The following SPHKAP variants were observed in gnomAD, a reference collection of about 807,000 sequenced individuals.
The protein encoded by SPHKAP is SPHK1 interactor, AKAP domain containing.
SPHKAP carries 67 observed loss-of-function variants against 137.5 expected under a neutral mutation model. The ratio of observed to expected loss-of-function variants is 0.49; its 90% confidence interval spans 0.40 to 0.60. SPHKAP has a LOEUF of 0.60. SPHKAP is among the 20% of genes least tolerant of loss of function. SPHKAP has a pLI of 0.00. For synonymous variants in SPHKAP, 813 were observed against 785.3 expected (o/e 1.04, Z -0.59); for missense variants, 2,097 against 2,069.3 (o/e 1.01, Z -0.26).
At chr2:228,130,641 TG>T (rs1408671020) in intron 2 of SPHKAP, among the ~76,000 whole-genome samples, 8 of 152,160 alleles carry the variant, frequency 5.3e-5, no homozygotes, top group Admixed American at 2.6e-4. Context: ...TATTTAGCCC[TG>T]TAAAATGTAC....
At chr2:228,130,295 A>G (rs536001228) in intron 2 of SPHKAP, among the ~76,000 whole-genome samples, 6 of 152,316 alleles carry the variant, frequency 3.9e-5, no homozygotes, top group African/African-American at 1.4e-4. Context: ...CTCTGACTGT[A>G]TGCTTGCTGA....
At chr2:228,177,862 G>T (rs746870490) in intron 1 of SPHKAP, among the ~76,000 whole-genome samples, 8 of 151,980 alleles carry the variant, frequency 5.3e-5, no homozygotes, top group Non-Finnish European at 5.9e-5. Flanking sequence ...GATGAGTTTT[G>T]ATCTTATCAT....
chr2:228,048,920 A>T (rs1696159732), intron 3 of SPHKAP, among the ~76,000 whole-genome samples: 1 of 152,132 alleles, frequency 6.6e-6, no homozygotes, highest in South Asian at 2.1e-4. Flanking sequence ...GAATGACAAA[A>T]TCACCTAATG....
intron 1 of SPHKAP, among the ~76,000 whole-genome samples, chr2:228,178,934 T>C (rs916931720): frequency 6.6e-6 from 1 of 150,836 alleles, no homozygotes; most frequent in African/African-American, 2.4e-5. Context: ...AAACATTTCC[T>C]TAAAAAAAAA....
intron 1 of SPHKAP, among the ~76,000 whole-genome samples, chr2:228,165,705 C>T (rs1559210525): frequency 6.6e-6 from 1 of 152,156 alleles, no homozygotes; most frequent in Non-Finnish European, 1.5e-5. Flanking sequence ...CCCAAAAGAT[C>T]AAGTGTCCTT....
At chr2:228,049,728 T>A (rs1456184860) in intron 3 of SPHKAP, among the ~76,000 whole-genome samples, 2 of 152,202 alleles carry the variant, frequency 1.3e-5, no homozygotes, top group Non-Finnish European at 2.9e-5. Context: ...AGCTCTTACT[T>A]GTAAGTGAGA....
chr2:228,084,389 A>G (rs946793577), intron 3 of SPHKAP, among the ~76,000 whole-genome samples: 3 of 152,236 alleles, frequency 2.0e-5, no homozygotes, highest in African/African-American at 7.2e-5. Flanking sequence ...CGCTAAGTCT[A>G]AAGGCTGCAT....
At position 228,181,085 on chromosome 2, in the gene SPHKAP, G is replaced by A. The variant is rs540294257; in HGVS notation, c.32+482C>T. On this transcript the variant is annotated intron_variant, in intron 1 of 11. Coordinates refer to ENST00000392056, the MANE Select transcript of SPHKAP (RefSeq NM_001142644.2). This position sits in a 1 kb window ranked among gnomAD's most constrained non-coding sequence, Gnocchi z 4.3. Reference sequence around the variant, plus strand: ...TGGGGGCAGTCTAGGTGTCGGTCGGGGGTGAGGGACAATCTTCCCCACCCC... The same window carrying A: ...TGGGGGCAGTCTAGGTGTCGGTCGGAGGTGAGGGACAATCTTCCCCACCCC... Among the ~76,000 whole-genome samples, 91 of 152,180 alleles carry A rather than the reference G, an allele frequency of 6.0e-4. No homozygotes were observed. Among genetic ancestry groups the A allele is most frequent in the Non-Finnish European group, 1.1e-3 (76 of 67,988 alleles).
chr2:228,001,729 C>A (rs962531829), intron 7 of SPHKAP, among the ~76,000 whole-genome samples: 1 of 151,902 alleles, frequency 6.6e-6, no homozygotes, highest in Non-Finnish European at 1.5e-5. Context: ...CTCCCCGCAG[C>A]CCACAACAGG....
intron 7 of SPHKAP, among the ~76,000 whole-genome samples, chr2:228,009,110 C>T (rs1007438696): frequency 3.3e-5 from 5 of 152,114 alleles, no homozygotes; most frequent in African/African-American, 1.2e-4. Flanking sequence ...AACGAATAGC[C>T]TTTATTTTTG....
intron 3 of SPHKAP, among the ~76,000 whole-genome samples, chr2:228,089,226 A>G (rs535974165): frequency 2.0e-4 from 30 of 152,214 alleles, no homozygotes; most frequent in Non-Finnish European, 4.0e-4. Flanking sequence ...CAAAGGTCAC[A>G]CTTGTTATGC....
chr2:228,019,432 T>G lies in SPHKAP; in HGVS notation c.1422A>C (p.Glu474Asp), dbSNP rs767564493. The stretch of plus-strand genomic sequence containing the variant: ...GGATGCTTGAGGTTTCAACAGAGAC[T>G]TCCATCTCAGGCCAGGAGGAGATGC... ...QPGISSWPEMEVSVETSSILS... is the reference protein window; with the variant it reads ...QPGISSWPEMDVSVETSSILS... The change falls in exon 7 of 12, where the codon GAA becomes GAC. Residue 474 changes from glutamate (E) to aspartate (D), a missense_variant. Transcript: ENST00000392056. 3.7e-6 allele frequency: 6 copies of G among 1,614,040 alleles called. No homozygotes were observed. The highest frequency in any genetic ancestry group is 5.1e-6 in the Non-Finnish European group (6 of 1,180,018).
intron 1 of SPHKAP, among the ~76,000 whole-genome samples, chr2:228,146,541 T>C (rs1256986952): frequency 6.6e-6 from 1 of 152,164 alleles, no homozygotes; most frequent in Non-Finnish European, 1.5e-5. Flanking sequence ...CAGCACCCAA[T>C]AGTTATTTTT....
intron 3 of SPHKAP, among the ~76,000 whole-genome samples, chr2:228,069,601 GT>G (rs915614298): frequency 6.0e-4 from 88 of 146,688 alleles, no homozygotes; most frequent in Middle Eastern, 3.5e-3. Context: ...TTTAAAAGAA[GT>G]TTTTTTTTTT....
At chr2:228,078,013 G>T (rs1305168001) in intron 3 of SPHKAP, among the ~76,000 whole-genome samples, 1 of 152,114 alleles carries the variant, frequency 6.6e-6, no homozygotes, top group Non-Finnish European at 1.5e-5. Flanking sequence ...CCCTGCACAA[G>T]CCCCCTTTGC....
At chr2:228,067,438 T>C (rs1038767997) in intron 3 of SPHKAP, among the ~76,000 whole-genome samples, 3 of 152,240 alleles carry the variant, frequency 2.0e-5, no homozygotes, top group Non-Finnish European at 4.4e-5. Context: ...AGGTGGGTAC[T>C]TCATTTCATA....
chr2:228,132,148 T>C (rs1699273985), intron 1 of SPHKAP, 63 bp from the exon 2 acceptor site: 1 of 1,348,170 alleles, frequency 7.4e-7, no homozygotes, highest in Non-Finnish European at 1.1e-6. Flanking sequence ...TGGAAATAAA[T>C]AATAAGTAAA....
chr2:228,022,032 T>C (rs776173952), intron 5 of SPHKAP, 66 bp from the exon 6 acceptor site: 3 of 1,481,542 alleles, frequency 2.0e-6, no homozygotes, highest in Non-Finnish European at 2.7e-6. Flanking sequence ...GCCTCTGAGC[T>C]TTCCTTTTCC....
intron 11 of SPHKAP, 152 bp downstream of exon 11, chr2:227,990,848 G>T: frequency 1.4e-6 from 1 of 736,190 alleles, no homozygotes; most frequent in Non-Finnish European, 2.2e-6. Context: ...TTACACAGGT[G>T]GAAGATTTCA....
Sources: gnomAD v4.1 joint callset for allele counts (sites outside exome capture counted in the v4.1 genomes callset) on GRCh38, gnomAD v4.1.1 for gene constraint, Gnocchi (gnomAD v3.1) non-coding constraint, MANE v1.5 for transcripts, NCBI Gene and HGNC (gene_info 2026-07-23, HGNC 2026-07-21) for gene names.